Variants in KRT71 observed in about 807,000 individuals in gnomAD.
KRT71 encodes the protein keratin, type II cytoskeletal 71.
Under a neutral mutation model 46.2 loss-of-function variants are expected in KRT71, and 42 were observed. That is an observed-to-expected ratio of 0.91 (90% CI 0.71 to 1.18). The LOEUF (loss-of-function observed/expected upper bound fraction) is 1.18, where lower values mean the gene tolerates loss of function less well. KRT71 is among the 50% of genes most tolerant of loss of function. The probability of loss-of-function intolerance (pLI) is 0.00; values close to 1 mark genes in which losing one functional copy is unlikely to be tolerated. For missense variants in KRT71, 708 were observed against 677.9 expected (o/e 1.04, Z -0.49); for synonymous variants, 292 against 277.8 (o/e 1.05, Z -0.51).
At chr12:52,550,380 G>A (rs1939148607) in intron 1 of KRT71, 137 bp from the exon 2 acceptor site, 2 of 1,085,334 alleles carry the variant, frequency 1.8e-6, no homozygotes, top group Middle Eastern at 3.1e-4. Context: ...ATTACCCTCT[G>A]CTATGGAGAG....
Position 52,544,478 on chromosome 12 carries a change from G to A in KRT71, c.*54C>T. On this transcript the variant is annotated 3_prime_UTR_variant, in exon 9 of 9. Transcript: ENST00000267119. ...CTGAGAGTGGGCTGTGGGAAGTACA[G>A]TGTGGGATCCAGAGCCGGGTCATGG... 1 of 1,480,394 alleles carries A rather than the reference G, an allele frequency of 6.8e-7. No homozygotes were observed. The highest frequency in any genetic ancestry group is 9.4e-7 in the Non-Finnish European group (1 of 1,059,282). The allele number at this position is 1,480,394 out of a possible 1,614,324, so 91.7% of individuals were successfully genotyped here. A position where few individuals can be genotyped will look rare whatever the true frequency, so the allele number is the denominator to read the frequency against.
intron 4 of KRT71, 84 bp from the exon 5 acceptor site, chr12:52,548,400 G>C: frequency 6.1e-6 from 9 of 1,467,806 alleles, no homozygotes; most frequent in Non-Finnish European, 8.4e-6. Flanking sequence ...GCAAATTCTG[G>C]TGATGCCATC....
chr12:52,544,542 G>T lies in KRT71; in HGVS notation c.1562C>A (p.Thr521Asn). The change falls in exon 9 of 9, where the codon ACC becomes AAC. Residue 521 changes from threonine (T) to asparagine (N), a missense_variant. By Grantham distance (65) the Thr-to-Asn change is moderately conservative. Transcript: ENST00000267119. ...CCGGGGCAGTCTTCTCTACCGACTG[G>T]TTTTCTTGGAGGGTGCACTCAGGCT... is the stretch of plus-strand genomic sequence containing the variant. Reference protein sequence around the residue: ...GSSLSAPSKKTSR With the variant: ...GSSLSAPSKKNSR 6.2e-7 allele frequency: 1 copy of T among 1,614,074 alleles called. No individual in the cohort carries two copies. The highest frequency in any genetic ancestry group is 8.5e-7 in the Non-Finnish European group (1 of 1,179,952).
rs149479435 is a variant in KRT71 at position 52,544,684 on chromosome 12, C to T, written c.1420G>A (p.Gly474Ser). 150 of 1,613,642 alleles carry T rather than the reference C, an allele frequency of 9.3e-5. No individual in the cohort carries two copies. The highest frequency in any genetic ancestry group is 8.9e-4 in the African/African-American group (67 of 74,914). Residue 474 changes from glycine (G) to serine (S), a missense_variant, in exon 9 of 9, where the codon GGT becomes AGT. Transcript: ENST00000267119. ...TTGCTGCTGTTGGCCACATAGCCACCGCTGACCATGCTGGGCCGGAAGCCA... is the reference window on the plus strand; with the variant it reads ...TTGCTGCTGTTGGCCACATAGCCACTGCTGACCATGCTGGGCCGGAAGCCA... ...VYGFRPSMVS[G>S]GYVANSSNCI...
chr12:52,545,803 G>T (rs1939047509), intron 7 of KRT71, among the ~76,000 whole-genome samples: 1 of 152,082 alleles, frequency 6.6e-6, no homozygotes, highest in Non-Finnish European at 1.5e-5. Context: ...AACAACCCTA[G>T]TCAAACAATA....
rs899017189 is a variant in KRT71 at position 52,552,809 on chromosome 12, C to T, written c.269G>A (p.Gly90Glu). ...AGSMFGSVAL[G>E]PVCPTVCPPG... ...TGGGCATACAGTTGGGCACACAGGC[C>T]CCAGGGCCACACTGCCAAACATGCT... The change falls in exon 1 of 9, where the codon GGG (glycine) becomes GAG (glutamate). Residue 90 changes from glycine to glutamate, a missense_variant. Physicochemically the swap from Gly to Glu is moderately conservative, Grantham distance 98. Transcript: ENST00000267119. 1.9e-6 allele frequency: 3 copies of T among 1,614,112 alleles called. No individual in the cohort carries two copies. Among genetic ancestry groups the T allele is most frequent in the Non-Finnish European group, 2.5e-6 (3 of 1,180,050 alleles).
rs2120568386 is a variant in KRT71 at position 52,548,206 on chromosome 12, A to G, written c.924T>C (p.Tyr308=). 2.5e-6 allele frequency: 4 copies of G among 1,614,126 alleles called. No homozygotes were observed. The highest frequency in any genetic ancestry group is 2.2e-5 in the East Asian group (1 of 44,880). Residue 308 remains tyrosine, a synonymous_variant, in exon 5 of 9, where the codon TAT becomes TAC. Coordinates refer to ENST00000267119, the MANE Select transcript of KRT71 (RefSeq NM_033448.3). Reference sequence around the variant, plus strand: ...CCTTACTCTTCAAGGCAATCTCCTCATACTGGGTGCGGACTTCGTCAATGA... The same window carrying G: ...CCTTACTCTTCAAGGCAATCTCCTCGTACTGGGTGCGGACTTCGTCAATGA... ...DSIIDEVRTQ[Y]EEIALKSKAE...
chr12:52,544,206 C>T lies in KRT71; in HGVS notation c.*326G>A, dbSNP rs1939015949. 2.5e-6 allele frequency: 1 copy of T among 400,342 alleles called. No individual in the cohort carries two copies. Among genetic ancestry groups the T allele is most frequent in the Admixed American group, 3.7e-5 (1 of 27,148 alleles). The allele number at this position is 400,342 out of a possible 1,614,324, so 24.8% of individuals were successfully genotyped here. A position where few individuals can be genotyped will look rare whatever the true frequency, so the allele number is the denominator to read the frequency against. ...GGGCCTTGGGCAGAGACCCAGGGAG[C>T]CCAGCAGAGTAGTTAGCGACTGCGC... On this transcript the variant is annotated 3_prime_UTR_variant, in exon 9 of 9. Transcript: ENST00000267119.
intron 7 of KRT71, among the ~76,000 whole-genome samples, chr12:52,545,859 G>A (rs937352535): frequency 3.3e-5 from 5 of 152,094 alleles, no homozygotes; most frequent in East Asian, 3.9e-4. Context: ...TACCTCCCAC[G>A]TGTCAGGTCC....
intron 7 of KRT71, among the ~76,000 whole-genome samples, 189 bp downstream of exon 7, chr12:52,546,097 T>C (rs559667193): frequency 6.6e-6 from 1 of 152,180 alleles, no homozygotes; most frequent in Admixed American, 6.5e-5. Flanking sequence ...TGAAGCAAGC[T>C]CTCACAGTCT....
At chr12:52,549,905 CT>C in intron 2 of KRT71, 123 bp downstream of exon 2, 2 of 1,130,306 alleles carry the variant, frequency 1.8e-6, no homozygotes, top group South Asian at 2.9e-5. Flanking sequence ...GGTGATTCTG[CT>C]TGATATGACC....
chr12:52,549,266 G>T lies in KRT71; in HGVS notation c.717+27C>A, dbSNP rs201420970. The stretch of plus-strand genomic sequence containing the variant: ...TCCTCCAGGTCCCAGGCCAGCCCCC[G>T]GGACTCAGGGCCTGCCTTCCCCTCA... On this transcript the variant is annotated intron_variant, in intron 3 of 8. Coordinates refer to ENST00000267119, the MANE Select transcript of KRT71 (RefSeq NM_033448.3). 2.5e-6 allele frequency: 4 copies of T among 1,596,996 alleles called. No homozygotes were observed. The East Asian group carries it at 8.9e-5, about 36-fold the overall frequency.
At position 52,552,832 on chromosome 12, in the gene KRT71, G is replaced by A. The variant is rs1939196422; in HGVS notation, c.246C>T (p.Ser82=). The A allele has an allele frequency of 6.2e-7, 1 of 1,614,238 alleles. No homozygotes were observed. Among genetic ancestry groups the A allele is most frequent in the Non-Finnish European group, 8.5e-7 (1 of 1,180,040 alleles). The part of the protein sequence containing the change: ...GRGRASGFAG[S]MFGSVALGPV... ...GCCCCAGGGCCACACTGCCAAACAT[G>A]CTTCCAGCAAAGCCACTGGCCCGGC... The change falls in exon 1 of 9, where the codon AGC becomes AGT. Residue 82 remains serine (S), a synonymous_variant. Transcript: ENST00000267119.
rs200326622 is a variant in KRT71 at position 52,545,636 on chromosome 12, A to T, written c.1326-37T>A. 4.1e-4 allele frequency: 543 copies of T among 1,328,286 alleles called. 1 individual carries two copies. The highest frequency in any genetic ancestry group is 5.4e-4 in the Non-Finnish European group (504 of 927,048). 82.3% of individuals were successfully genotyped at this position (1,328,286 alleles called of 1,614,324 possible). A position where few individuals can be genotyped will look rare whatever the true frequency, so the allele number is the denominator to read the frequency against. Reference sequence around the variant, plus strand: ...AGAAATAAAATAAGAGGAGAAGAGAAGTCATCCAGCTCAGTCTCTTTAAAG... The same window carrying T: ...AGAAATAAAATAAGAGGAGAAGAGATGTCATCCAGCTCAGTCTCTTTAAAG... On this transcript the variant is annotated intron_variant, in intron 7 of 8. Coordinates refer to ENST00000267119, the MANE Select transcript of KRT71 (RefSeq NM_033448.3).
At position 52,551,198 on chromosome 12, in the gene KRT71, A is replaced by C. The variant is rs191191426; in HGVS notation, c.442-955T>G. Among the ~76,000 whole-genome samples the C allele has an allele frequency of 1.2e-3, 180 of 152,340 alleles. 1 individual carries two copies. The highest frequency in any genetic ancestry group is 1.0e-3 in the Non-Finnish European group (71 of 68,020). On this transcript the variant is annotated intron_variant, in intron 1 of 8. Coordinates refer to ENST00000267119, the MANE Select transcript of KRT71 (RefSeq NM_033448.3). The stretch of plus-strand genomic sequence containing the variant: ...CTACTGAACACATCTGGATGCCGAA[A>C]GGATTTACCCGTCTTCTCTGGCTGC...
intron 1 of KRT71, among the ~76,000 whole-genome samples, chr12:52,552,058 G>A (rs1262607262): frequency 6.6e-6 from 1 of 152,206 alleles, no homozygotes; most frequent in Non-Finnish European, 1.5e-5. Flanking sequence ...TGAGGAGATG[G>A]CAACACAGAC....
At position 52,544,369 on chromosome 12, in the gene KRT71, T is replaced by A. The variant is rs750470644; in HGVS notation, c.*163A>T. On this transcript the variant is annotated 3_prime_UTR_variant, in exon 9 of 9. Transcript: ENST00000267119. The stretch of plus-strand genomic sequence containing the variant: ...CTTGGTCATCCAGGCCTTCCCAGGA[T>A]CAGGAAGACACAGGCTGGGAGAAGT... 1 of 722,020 alleles carries A rather than the reference T, an allele frequency of 1.4e-6. No homozygotes were observed. Among genetic ancestry groups the A allele is most frequent in the Non-Finnish European group, 2.5e-6 (1 of 406,362 alleles). The allele number at this position is 722,020 out of a possible 1,614,324, so 44.7% of individuals were successfully genotyped here.
chr12:52,548,714 C>G lies in KRT71; in HGVS notation c.800G>C (p.Cys267Ser), dbSNP rs745730460. 6.2e-7 allele frequency: 1 copy of G among 1,614,092 alleles called. No homozygotes were observed. The highest frequency in any genetic ancestry group is 1.1e-5 in the South Asian group (1 of 91,084). The change falls in exon 4 of 9, where the codon TGT becomes TCT. Residue 267 changes from cysteine to serine, a missense_variant. Cys to Ser is a moderately radical substitution (Grantham distance 112). Transcript: ENST00000267119. Reference protein sequence around the residue: ...SMDQEIKFFRCLFEAEITQIQ... With the variant: ...SMDQEIKFFRSLFEAEITQIQ... ...AGACAGACTTACGGCTTCAAAGAGA[C>G]ACCTGAAGAACTTGATCTCCTGGTC...
intron 3 of KRT71, among the ~76,000 whole-genome samples, 179 bp downstream of exon 3, chr12:52,549,114 G>T (rs975322633): frequency 1.7e-4 from 26 of 152,210 alleles, no homozygotes; most frequent in African/African-American, 6.3e-4. Context: ...CCTCTCACTG[G>T]CACCCTCCCT....
Sources: allele counts gnomAD v4.1 joint callset (sites outside exome capture counted in the v4.1 genomes callset), GRCh38; gene constraint gnomAD v4.1.1; transcripts MANE v1.5; gene names NCBI Gene and HGNC (gene_info 2026-07-23, HGNC 2026-07-21).